The following ZNF761 variants were observed in gnomAD, a reference collection of about 807,000 sequenced individuals.
The protein encoded by ZNF761 is zinc finger protein 761.
ZNF761 carries 43 observed loss-of-function variants against 59.9 expected under a neutral mutation model. The ratio of observed to expected loss-of-function variants is 0.72; its 90% confidence interval spans 0.56 to 0.92. The LOEUF (loss-of-function observed/expected upper bound fraction) is 0.92, where lower values mean the gene tolerates loss of function less well. Ranked by LOEUF, ZNF761 falls within the 40% of genes least tolerant of loss-of-function variation. The pLI is 0.00. For missense variants in ZNF761, 850 were observed against 906.1 expected, an observed-to-expected ratio of 0.94 and a Z score of 0.79; for synonymous variants, 294 against 304.8, an observed-to-expected ratio of 0.96 and a Z score of 0.37.
chr19:53,433,544 A>G (rs1229383195), intron 1 of ZNF761, among the ~76,000 whole-genome samples: 1 of 151,882 alleles, frequency 6.6e-6, no homozygotes, highest in Non-Finnish European at 1.5e-5. Context: ...CTTGGAGTGA[A>G]TGAATGCATG....
At chr19:53,441,455 T>G (rs1015787044) in intron 1 of ZNF761, among the ~76,000 whole-genome samples, 10 of 15,858 alleles carry the variant, frequency 6.3e-4, no homozygotes, top group Non-Finnish European at 1.4e-3. Context: ...TGTTTTTTGT[T>G]TTTTTTTTTT....
chr19:53,446,511 GA>G (rs1481383400), intron 2 of ZNF761, among the ~76,000 whole-genome samples, 174 bp downstream of exon 2: 2 of 152,092 alleles, frequency 1.3e-5, no homozygotes, highest in Non-Finnish European at 2.9e-5. Context: ...GAGTAGCTGG[GA>G]TTACAAACAA....
chr19:53,437,125 G>A (rs2086050827), intron 1 of ZNF761, among the ~76,000 whole-genome samples: 1 of 152,018 alleles, frequency 6.6e-6, no homozygotes, highest in Non-Finnish European at 1.5e-5. Flanking sequence ...AGACCAGTCT[G>A]ACCAACATGG....
chr19:53,442,879 GA>G (rs35108555), intron 1 of ZNF761: 266,902 of 376,586 alleles, frequency 0.71, 94,585 homozygotes, highest in South Asian at 0.77. Context: ...ATCATGTTGT[GA>G]AAAAAAAAAT....
chr19:53,443,418 T>A (rs1389362139), intron 1 of ZNF761: 2 of 152,494 alleles, frequency 1.3e-5, no homozygotes, highest in Non-Finnish European at 2.9e-5. Flanking sequence ...AAAAGACAAG[T>A]TAAGAATGCA....
intron 1 of ZNF761, among the ~76,000 whole-genome samples, chr19:53,444,845 CA>C (rs2086138559): frequency 6.6e-6 from 1 of 151,800 alleles, no homozygotes; most frequent in South Asian, 2.1e-4. Flanking sequence ...CCAAAGACCA[CA>C]AGGGGTTTTA....
At chr19:53,436,940 C>T (rs1324532518) in intron 1 of ZNF761, among the ~76,000 whole-genome samples, 1 of 152,134 alleles carries the variant, frequency 6.6e-6, no homozygotes, top group African/African-American at 2.4e-5. Flanking sequence ...CTGAGTGGGC[C>T]CCTGTCGTGG....
intron 4 of ZNF761, among the ~76,000 whole-genome samples, chr19:53,451,037 C>T (rs752816460): frequency 9.9e-5 from 15 of 151,722 alleles, no homozygotes; most frequent in Non-Finnish European, 2.1e-4. Flanking sequence ...ACTATTTCTC[C>T]ACTAGAACTC....
In ZNF761 at chr19:53,450,897, A is replaced by G. The variant is rs140405512; in HGVS notation, c.142+1259A>G. Among the ~76,000 whole-genome samples the G allele has an allele frequency of 2.6e-3, 392 of 151,928 alleles. 1 individual carries two copies. The highest frequency in any genetic ancestry group is 0.014 in the Middle Eastern group (4 of 294). ...TGTAATCCTGCTACTCAAGTGTCTA[A>G]TGCAGGAGAGTCACTTGAACCCAGG... On this transcript the variant is annotated intron_variant, in intron 4 of 4. Transcript: ENST00000684525.
intron 3 of ZNF761, among the ~76,000 whole-genome samples, chr19:53,448,649 G>A (rs532814284): frequency 5.5e-4 from 84 of 152,178 alleles, no homozygotes; most frequent in African/African-American, 1.9e-3. Context: ...TCACTGTGGT[G>A]CCCAGGCTGG....
At chr19:53,434,720 C>T (rs181899698) in intron 1 of ZNF761, among the ~76,000 whole-genome samples, 16 of 152,250 alleles carry the variant, frequency 1.1e-4, no homozygotes, top group South Asian at 2.1e-4. Flanking sequence ...GGCATCGGTT[C>T]GGGGGAAGAG....
In ZNF761 at chr19:53,449,391, C is replaced by A. The variant is rs541834714; in HGVS notation, c.16-121C>A. On this transcript the variant is annotated intron_variant, in intron 3 of 4. Transcript: ENST00000684525. ...ACAAAATGCGGTGAAAAATCCCTTA[C>A]TCAGATTTGTTAGAACATTCACTGC... 2.5e-6 allele frequency: 4 copies of A among 1,606,990 alleles called. No homozygotes were observed. In the South Asian group the frequency reaches 4.4e-5, roughly 18 times the overall value.
intron 3 of ZNF761, 114 bp downstream of exon 3, chr19:53,447,397 A>G: frequency 7.1e-7 from 1 of 1,407,906 alleles, no homozygotes; most frequent in Non-Finnish European, 1.0e-6. Flanking sequence ...GTTTGCTCAC[A>G]TTCACCCATG....
intron 1 of ZNF761, among the ~76,000 whole-genome samples, chr19:53,440,511 C>T (rs986939538): frequency 1.3e-5 from 2 of 152,198 alleles, no homozygotes; most frequent in South Asian, 4.2e-4. Context: ...TTGTATAAAT[C>T]TTGGCATAGA....
At chr19:53,445,501 GC>G (rs55715249) in intron 1 of ZNF761, among the ~76,000 whole-genome samples, 127,975 of 151,700 alleles carry the variant, frequency 0.84, 54,156 homozygotes, top group South Asian at 0.91. Context: ...CCTGCTCTGA[GC>G]CCCAGTGAGC....
intron 1 of ZNF761, among the ~76,000 whole-genome samples, chr19:53,433,889 C>G (rs1441341952): frequency 6.6e-6 from 1 of 152,142 alleles, no homozygotes; most frequent in South Asian, 2.1e-4. Context: ...CGGACTGGAA[C>G]GTGGGCTAAT....
chr19:53,456,071 T>C lies in ZNF761; in HGVS notation c.1564T>C (p.Tyr522His), dbSNP rs1382444466. 1.9e-6 allele frequency: 3 copies of C among 1,599,306 alleles called. No homozygotes were observed. In the Admixed American group the frequency reaches 5.1e-5, roughly 27 times the overall value. The change falls in exon 5 of 5, where the codon TAC becomes CAC. Residue 522 changes from tyrosine to histidine, a missense_variant. Physicochemically the swap from Tyr to His is moderately conservative, Grantham distance 83. Transcript: ENST00000684525. ...TAGACTTCATACTGGAGAGAAAGCT[T>C]ACAAGTGTAATGAGTGCGGCAAGAC... Reference protein sequence around the residue: ...HHRLHTGEKAYKCNECGKTFS... With the variant: ...HHRLHTGEKAHKCNECGKTFS...
chr19:53,434,688 G>C (rs548204038), intron 1 of ZNF761, among the ~76,000 whole-genome samples: 2 of 152,348 alleles, frequency 1.3e-5, no homozygotes, highest in African/African-American at 4.8e-5. Flanking sequence ...AAGTTTTTAA[G>C]AGCTAGGTGC....
At chr19:53,446,019 C>G (rs1223952721) in intron 1 of ZNF761, among the ~76,000 whole-genome samples, 1 of 152,190 alleles carries the variant, frequency 6.6e-6, no homozygotes, top group African/African-American at 2.4e-5. Flanking sequence ...CTTCCTGTCT[C>G]AGGTTGCTGT....
Sources: gnomAD v4.1 joint callset for allele counts (sites outside exome capture counted in the v4.1 genomes callset) on GRCh38, gnomAD v4.1.1 for gene constraint, MANE v1.5 for transcripts, NCBI Gene and HGNC (gene_info 2026-07-23, HGNC 2026-07-21) for gene names.